DOCK4: variants seen among roughly 807,000 people sequenced by gnomAD.
DOCK4 encodes dedicator of cytokinesis protein 4.
Under a neutral mutation model 268.1 loss-of-function variants are expected in DOCK4, and 97 were observed. The ratio of observed to expected loss-of-function variants is 0.36; its 90% CI spans 0.31 to 0.43. The LOEUF is 0.43. Among genes scored for constraint, DOCK4 ranks in the 20% least tolerant of loss-of-function variants. The probability of loss-of-function intolerance (pLI) is 1.00; values close to 1 mark genes in which losing one functional copy is unlikely to be tolerated. For missense variants in DOCK4, 2,145 were observed against 2,455.7 expected (o/e 0.87, Z 2.67); for synonymous variants, 954 against 887.2 (o/e 1.08, Z -1.34).
intron 17 of DOCK4, among the ~76,000 whole-genome samples, chr7:111,872,877 A>G (rs1457763334): frequency 6.6e-6 from 1 of 152,184 alleles, no homozygotes; most frequent in Non-Finnish European, 1.5e-5. Flanking sequence ...CTTCCACATC[A>G]CAGTAGCACT....
chr7:111,791,615 A>C (rs1269520624), intron 30 of DOCK4, among the ~76,000 whole-genome samples: 1 of 151,864 alleles, frequency 6.6e-6, no homozygotes, highest in Non-Finnish European at 1.5e-5. Flanking sequence ...TGGCCAGCTA[A>C]TTTTTGTATT....
chr7:111,756,106 TG>T (rs1272128983), intron 41 of DOCK4, among the ~76,000 whole-genome samples: 1 of 152,152 alleles, frequency 6.6e-6, no homozygotes, highest in Non-Finnish European at 1.5e-5. Context: ...CCCAGCACTT[TG>T]GGAGGCCAAG....
chr7:111,995,433 G>GTGTT (rs1554406551), intron 4 of DOCK4, among the ~76,000 whole-genome samples: 4 of 90,466 alleles, frequency 4.4e-5, no homozygotes, highest in African/African-American at 1.6e-4. Context: ...GTGTGTGTGT[G>GTGTT]TGTGTGTGTG....
chr7:111,821,539 A>G (rs998244884), intron 27 of DOCK4: 1 of 152,358 alleles, frequency 6.6e-6, no homozygotes, highest in Non-Finnish European at 1.5e-5. Context: ...AGCTCCTGCC[A>G]TTCCGACTGC....
intron 1 of DOCK4, among the ~76,000 whole-genome samples, chr7:112,114,793 G>A (rs1465101102): frequency 2.6e-5 from 4 of 152,140 alleles, no homozygotes; most frequent in Non-Finnish European, 5.9e-5. Flanking sequence ...TTTGGTGCCA[G>A]GGTCTTGATT....
At position 111,925,963 on chromosome 7, in the gene DOCK4, G is replaced by A. The variant is rs554452948; in HGVS notation, c.1066+9577C>T. On this transcript the variant is annotated intron_variant, in intron 12 of 52. Coordinates refer to ENST00000428084, the MANE Select transcript of DOCK4 (RefSeq NM_001363540.2). The stretch of plus-strand genomic sequence containing the variant: ...AAATAAATAAGCCTTGCATGGTGGC[G>A]TGTCGCCTGTAGTTCCAGCTATTCA... 2.7e-5 allele frequency among the ~76,000 whole-genome samples: 4 copies of A among 145,778 alleles called. No individual in the cohort carries two copies. In the East Asian group the frequency reaches 7.9e-4, roughly 29 times the overall value.
intron 31 of DOCK4, among the ~76,000 whole-genome samples, chr7:111,790,038 C>A (rs923153638): frequency 1.3e-5 from 2 of 152,100 alleles, no homozygotes; most frequent in Non-Finnish European, 2.9e-5. Flanking sequence ...ATGCTTCAAG[C>A]AAAGAGCAAT....
chr7:111,738,594 A>G (rs1057244760), intron 49 of DOCK4, among the ~76,000 whole-genome samples: 3 of 152,174 alleles, frequency 2.0e-5, no homozygotes, highest in Non-Finnish European at 2.9e-5. Flanking sequence ...TAAACTTCCC[A>G]TTTCCCTTTT....
intron 29 of DOCK4, 101 bp downstream of exon 29, chr7:111,809,200 C>A: frequency 1.0e-6 from 1 of 976,666 alleles, no homozygotes; most frequent in Non-Finnish European, 1.6e-6. Flanking sequence ...TGGTTCTTCA[C>A]TGTGTGATTT....
rs573762097 is a variant in DOCK4, at chr7:111,785,955, C to T, written c.3402-1832G>A. 8.5e-5 allele frequency among the ~76,000 whole-genome samples: 13 copies of T among 152,108 alleles called. No individual in the cohort carries two copies. In the East Asian group the frequency reaches 1.2e-3, roughly 14 times the overall value. On this transcript the variant is annotated intron_variant, in intron 32 of 52. Coordinates refer to ENST00000428084, the MANE Select transcript of DOCK4 (RefSeq NM_001363540.2). ...CTATGAAAGAAATCTGTGTGTGTGT[C>T]GGGGATTTCACCCTCAATCTCCCTC...
At chr7:111,794,620 A>T (rs910409186) in intron 30 of DOCK4, among the ~76,000 whole-genome samples, 10 of 149,532 alleles carry the variant, frequency 6.7e-5, no homozygotes, top group Non-Finnish European at 1.5e-4. Flanking sequence ...CCTTAATAAC[A>T]TCTGTTACTT....
chr7:112,170,181 C>T (rs1817961334), intron 1 of DOCK4, among the ~76,000 whole-genome samples: 1 of 152,084 alleles, frequency 6.6e-6, no homozygotes, highest in Non-Finnish European at 1.5e-5. Context: ...TGGTCGGGCA[C>T]AGTGACCACC....
Position 111,788,642 on chromosome 7 carries a change from G to C in DOCK4, c.3401+20C>G. On this transcript the variant is annotated intron_variant, in intron 32 of 52. Transcript: ENST00000428084. ...AAATCCCCCAGAATGGAATCAACTT[G>C]AGATAAACATATTACTCACATACTG... is the stretch of plus-strand genomic sequence containing the variant. 6.4e-7 allele frequency: 1 copy of C among 1,559,880 alleles called. No homozygotes were observed. The highest frequency in any genetic ancestry group is 1.2e-5 in the South Asian group (1 of 85,020).
intron 1 of DOCK4, among the ~76,000 whole-genome samples, chr7:112,117,359 TTTTC>T (rs1416488981): frequency 1.5e-5 from 2 of 135,392 alleles, no homozygotes; most frequent in Non-Finnish European, 3.3e-5. Context: ...GCTTCATACC[TTTTC>T]TTTCTTTCTT....
chr7:111,958,087 C>T (rs1321617815), intron 8 of DOCK4, among the ~76,000 whole-genome samples: 2 of 152,122 alleles, frequency 1.3e-5, no homozygotes, highest in Non-Finnish European at 2.9e-5. Context: ...AGCACATCCC[C>T]ACTGCAGTGG....
At chr7:111,859,789 G>A (rs1166280449) in intron 23 of DOCK4, among the ~76,000 whole-genome samples, 3 of 151,660 alleles carry the variant, frequency 2.0e-5, no homozygotes, top group African/African-American at 4.8e-5. Context: ...GGATGGTCTC[G>A]ATCTTCTGAC....
At chr7:111,997,850 C>G (rs562009598) in intron 4 of DOCK4, among the ~76,000 whole-genome samples, 3 of 152,044 alleles carry the variant, frequency 2.0e-5, no homozygotes, top group African/African-American at 7.3e-5. Context: ...TCCTGCTGTA[C>G]CTTATTGGAA....
At chr7:112,010,668 C>T (rs1586634328) in intron 1 of DOCK4, among the ~76,000 whole-genome samples, 4 of 152,166 alleles carry the variant, frequency 2.6e-5, no homozygotes, top group African/African-American at 7.2e-5. Flanking sequence ...TGCAGGCTCA[C>T]CTAAGAGGCA....
At chr7:111,782,561 C>CT (rs1275779935) in intron 35 of DOCK4, among the ~76,000 whole-genome samples, 2 of 152,044 alleles carry the variant, frequency 1.3e-5, no homozygotes, top group Admixed American at 1.3e-4. Flanking sequence ...CAACAAGACT[C>CT]TAGGAGGGTG....
Sources: allele counts gnomAD v4.1 joint callset (sites outside exome capture counted in the v4.1 genomes callset), GRCh38; gene constraint gnomAD v4.1.1; transcripts MANE v1.5; gene names NCBI Gene and HGNC (gene_info 2026-07-23, HGNC 2026-07-21).